SGCZ: variants seen among roughly 807,000 people sequenced by gnomAD.
SGCZ encodes the protein sarcoglycan zeta, also known as zeta-sarcoglycan.
In SGCZ, 40 loss-of-function variants were observed where a neutral mutation model predicts 41.3. The observed-to-expected ratio is 0.97, with a 90% CI of 0.75 to 1.26. SGCZ has a LOEUF of 1.26. SGCZ is among the 50% of genes most tolerant of loss of function. SGCZ has a pLI of 0.00. For missense variants in SGCZ, 552 were observed against 369.8 expected, an observed-to-expected ratio of 1.49 and a Z score of -4.04; for synonymous variants, 206 against 137.5, an observed-to-expected ratio of 1.50 and a Z score of -3.49.
chr8:14,159,228 A>G (rs2116971820), intron 5 of SGCZ, among the ~76,000 whole-genome samples: 1 of 152,292 alleles, frequency 6.6e-6, no homozygotes, highest in Non-Finnish European at 1.5e-5. Context: ...GAGAGAAGTG[A>G]GTTGATATAA....
intron 5 of SGCZ, among the ~76,000 whole-genome samples, chr8:14,142,455 G>T (rs372445300): frequency 5.3e-5 from 8 of 152,142 alleles, no homozygotes; most frequent in Non-Finnish European, 1.2e-4. Flanking sequence ...CACACATGAT[G>T]ATATATTTGA....
chr8:14,620,072 G>T lies in SGCZ; in HGVS notation c.40-65146C>A, dbSNP rs191991300. 1.7e-3 allele frequency among the ~76,000 whole-genome samples: 261 copies of T among 152,198 alleles called. 1 individual carries two copies. The highest frequency in any genetic ancestry group is 5.9e-3 in the African/African-American group (245 of 41,524). On this transcript the variant is annotated intron_variant, in intron 1 of 7. Coordinates refer to ENST00000382080, the MANE Select transcript of SGCZ (RefSeq NM_139167.4). Reference sequence around the variant, plus strand: ...AGGCTTCAGTAACCAAAACAGCATGGTACTGGTACCAAAACAGAGATATAG... The same window carrying T: ...AGGCTTCAGTAACCAAAACAGCATGTTACTGGTACCAAAACAGAGATATAG...
chr8:14,309,082 G>T (rs527598473), intron 3 of SGCZ: 3 of 1,430,520 alleles, frequency 2.1e-6, no homozygotes, highest in Admixed American at 3.5e-5. Flanking sequence ...AGGAGAAAAC[G>T]GAATCTCATC....
At chr8:14,428,101 T>C (rs13263707) in intron 2 of SGCZ, among the ~76,000 whole-genome samples, 4,276 of 124,180 alleles carry the variant, frequency 0.034, 105 homozygotes, top group Admixed American at 0.084. Context: ...TGGTTGTATA[T>C]ACACACACAC....
chr8:14,748,473 T>TA (rs1453070776), intron 1 of SGCZ, among the ~76,000 whole-genome samples: 8 of 152,172 alleles, frequency 5.3e-5, no homozygotes, highest in African/African-American at 1.7e-4. Context: ...TTGCCCCAGG[T>TA]ATTCCCCATG....
At chr8:14,605,147 C>T (rs62494843) in intron 1 of SGCZ, among the ~76,000 whole-genome samples, 23,886 of 151,984 alleles carry the variant, frequency 0.16, 2,291 homozygotes, top group Non-Finnish European at 0.21. Context: ...CAGCTACTTG[C>T]CTCGAAAAAT....
At chr8:15,166,240 T>A (rs923678381) in intron 1 of SGCZ, among the ~76,000 whole-genome samples, 1 of 151,448 alleles carries the variant, frequency 6.6e-6, no homozygotes, top group Admixed American at 6.6e-5. Flanking sequence ...TCCTTTTTTT[T>A]TTCTTTTTTT....
chr8:15,123,883 A>G (rs1392581343), intron 1 of SGCZ, among the ~76,000 whole-genome samples: 1 of 152,204 alleles, frequency 6.6e-6, no homozygotes, highest in Non-Finnish European at 1.5e-5. Flanking sequence ...TGGAAGAAGG[A>G]AGCAATGTTA....
chr8:14,670,092 G>A (rs1808056435), intron 1 of SGCZ, among the ~76,000 whole-genome samples: 1 of 152,126 alleles, frequency 6.6e-6, no homozygotes, highest in Non-Finnish European at 1.5e-5. Flanking sequence ...AACTCCAGCA[G>A]GAATTTTAAA....
At chr8:14,867,917 T>TAAAAA (rs199588948) in intron 1 of SGCZ, among the ~76,000 whole-genome samples, 46 of 132,854 alleles carry the variant, frequency 3.5e-4, no homozygotes, top group African/African-American at 1.0e-3. Context: ...ACTTAAAAGT[T>TAAAAA]AAAAAAAAAA....
chr8:15,127,106 A>G (rs1236166448), intron 1 of SGCZ, among the ~76,000 whole-genome samples: 2 of 152,194 alleles, frequency 1.3e-5, no homozygotes, highest in African/African-American at 4.8e-5. Context: ...TGCCAAATAT[A>G]TATTGAATGC....
At chr8:14,253,843 C>T (rs1799371342) in intron 3 of SGCZ, among the ~76,000 whole-genome samples, 1 of 152,056 alleles carries the variant, frequency 6.6e-6, no homozygotes, top group South Asian at 2.1e-4. Context: ...AATTTTTTCT[C>T]TCAAAGTGTG....
chr8:15,103,405 T>TAAATAAATAAAC (rs1318532121), intron 1 of SGCZ, among the ~76,000 whole-genome samples: 1 of 149,194 alleles, frequency 6.7e-6, no homozygotes. Context: ...TGTCTCTAAA[T>TAAATAAATAAAC]AAATAAATAA....
intron 1 of SGCZ, among the ~76,000 whole-genome samples, chr8:14,705,244 T>C (rs1033458072): frequency 6.6e-6 from 1 of 151,948 alleles, no homozygotes; most frequent in Non-Finnish European, 1.5e-5. Context: ...GAACATGGAC[T>C]ACATGGTGTT....
chr8:14,277,404 C>A (rs761901586), intron 3 of SGCZ, among the ~76,000 whole-genome samples: 1 of 149,540 alleles, frequency 6.7e-6, no homozygotes, highest in Non-Finnish European at 1.5e-5. Context: ...TTTTACAACT[C>A]TACTCAGAAA....
In SGCZ at chr8:14,987,476, G is replaced by A. The variant is rs1196973449; in HGVS notation, c.39+250109C>T. 2.0e-5 allele frequency among the ~76,000 whole-genome samples: 3 copies of A among 152,076 alleles called. 1 individual carries two copies. In the Middle Eastern group the frequency reaches 0.01, roughly 517 times the overall value. ...GCCAATAACTGATCATCTTTCTGCT[G>A]TGAAATATTGTACTCACTGTATTAA... On this transcript the variant is annotated intron_variant, in intron 1 of 7. Coordinates refer to ENST00000382080, the MANE Select transcript of SGCZ (RefSeq NM_139167.4).
intron 2 of SGCZ, among the ~76,000 whole-genome samples, chr8:14,542,337 C>G (rs1803495015): frequency 6.6e-6 from 1 of 151,962 alleles, no homozygotes; most frequent in Non-Finnish European, 1.5e-5. Context: ...CATTTCATCC[C>G]CACCAGGAGA....
At chr8:14,778,670 T>A (rs1800487361) in intron 1 of SGCZ, among the ~76,000 whole-genome samples, 1 of 152,166 alleles carries the variant, frequency 6.6e-6, no homozygotes, top group African/African-American at 2.4e-5. Flanking sequence ...CAAAGGACAT[T>A]AATCAATATT....
chr8:14,637,552 A>G (rs1460575995), intron 1 of SGCZ, among the ~76,000 whole-genome samples: 1 of 151,140 alleles, frequency 6.6e-6, no homozygotes, highest in Non-Finnish European at 1.5e-5. Flanking sequence ...GCTCCCACTT[A>G]TAAGTGAGAA....
Sources: gnomAD v4.1 joint callset for allele counts (sites outside exome capture counted in the v4.1 genomes callset) on GRCh38, gnomAD v4.1.1 for gene constraint, MANE v1.5 for transcripts, NCBI Gene and HGNC (gene_info 2026-07-23, HGNC 2026-07-21) for gene names.